The following PRKN variants were observed in gnomAD, a reference collection of about 807,000 sequenced individuals.
The protein encoded by PRKN is E3 ubiquitin-protein ligase parkin.
Under a neutral mutation model 59.5 loss-of-function variants are expected in PRKN, and 56 were observed. The ratio of observed to expected loss-of-function variants is 0.94; its 90% CI spans 0.76 to 1.18. PRKN has a LOEUF of 1.18. PRKN is among the 50% of genes most tolerant of loss of function. The pLI, the probability that PRKN is intolerant of heterozygous loss-of-function variation, is 0.00. For missense variants in PRKN, 657 were observed against 596.4 expected (o/e 1.10, Z -1.06); for synonymous variants, 250 against 222.1 (o/e 1.13, Z -1.12).
At chr6:162,569,356 G>A (rs1401039480) in intron 1 of PRKN, 3 of 642,122 alleles carry the variant, frequency 4.7e-6, no homozygotes, top group Admixed American at 1.8e-5. Flanking sequence ...AGGCTGCCCT[G>A]CAACAGGCCA....
chr6:162,054,309 A>G lies in PRKN; in HGVS notation c.535-135T>C. On this transcript the variant is annotated intron_variant, in intron 4 of 11. Coordinates refer to ENST00000366898, the MANE Select transcript of PRKN (RefSeq NM_004562.3). ...CAATGATTTTCAAAGTGTGGTCTGC[A>G]GACTCTGGGGGTCCCCGTGACCCTT... The G allele has an allele frequency of 1.1e-5, 8 of 724,128 alleles. No homozygotes were observed. In the South Asian group the frequency reaches 1.2e-4, roughly 11 times the overall value. The allele number at this position is 724,128 out of a possible 1,614,324, so 44.9% of individuals were successfully genotyped here.
At chr6:161,611,457 T>A (rs1363881143) in intron 7 of PRKN, among the ~76,000 whole-genome samples, 1 of 152,232 alleles carries the variant, frequency 6.6e-6, no homozygotes, top group Non-Finnish European at 1.5e-5. Context: ...CCATTTTTGG[T>A]AATTCTCACA....
intron 6 of PRKN, among the ~76,000 whole-genome samples, chr6:161,856,884 G>A (rs1793677642): frequency 6.6e-6 from 1 of 152,046 alleles, no homozygotes; most frequent in African/African-American, 2.4e-5. Context: ...CTTCCTAGAG[G>A]TCAGACTGTC....
At chr6:161,556,068 C>A (rs76424924) in intron 8 of PRKN, among the ~76,000 whole-genome samples, 1 of 152,280 alleles carries the variant, frequency 6.6e-6, no homozygotes, top group East Asian at 1.9e-4. Flanking sequence ...AATGTATGGA[C>A]AACGTCCAAT....
intron 6 of PRKN, among the ~76,000 whole-genome samples, chr6:161,919,658 G>A (rs950038498): frequency 6.6e-6 from 1 of 152,158 alleles, no homozygotes; most frequent in African/African-American, 2.4e-5. Flanking sequence ...ATACAAATAG[G>A]TTCACAATTT....
chr6:162,118,997 G>A (rs1780793431), intron 4 of PRKN, among the ~76,000 whole-genome samples: 1 of 152,134 alleles, frequency 6.6e-6, no homozygotes, highest in Admixed American at 6.5e-5. Context: ...GTTGAAATGA[G>A]GTATGCCTAT....
In PRKN at chr6:161,892,641, A is replaced by C. The variant is rs1032246049; in HGVS notation, c.734+80661T>G. On this transcript the variant is annotated intron_variant, in intron 6 of 11. Transcript: ENST00000366898. ...GTGGGAGGATCTACTCAAGAGGCTG[A>C]GGCAGGAGGATCTCCTGAGCGCATG... 1.7e-4 allele frequency among the ~76,000 whole-genome samples: 26 copies of C among 152,292 alleles called. 1 individual carries two copies. The highest frequency in any genetic ancestry group is 1.6e-3 in the Admixed American group (24 of 15,294).
intron 9 of PRKN, among the ~76,000 whole-genome samples, chr6:161,516,826 C>CGAAA (rs1778623205): frequency 1.6e-5 from 1 of 63,210 alleles, no homozygotes; most frequent in African/African-American, 6.3e-5. Context: ...GACTCAATCT[C>CGAAA]AAAAAAAAAA....
chr6:162,242,304 T>C (rs1174309879), intron 3 of PRKN, among the ~76,000 whole-genome samples: 1 of 152,044 alleles, frequency 6.6e-6, no homozygotes, highest in African/African-American at 2.4e-5. Context: ...GAAAATGCAG[T>C]TTTCCACAGT....
intron 4 of PRKN, among the ~76,000 whole-genome samples, chr6:162,150,063 T>TA (rs1782201433): frequency 6.6e-6 from 1 of 152,124 alleles, no homozygotes; most frequent in African/African-American, 2.4e-5. Flanking sequence ...CTGAATTCAG[T>TA]AAAAAAGCCA....
chr6:161,585,570 T>C (rs1054048840), intron 7 of PRKN, among the ~76,000 whole-genome samples: 1 of 152,202 alleles, frequency 6.6e-6, no homozygotes. Context: ...TAAATAGTGA[T>C]TGTCAATTAA....
chr6:162,383,500 C>T (rs1011684905), intron 2 of PRKN, among the ~76,000 whole-genome samples: 10 of 152,102 alleles, frequency 6.6e-5, no homozygotes, highest in African/African-American at 2.4e-4. Flanking sequence ...AAAATATTCA[C>T]TCGAGTATGC....
chr6:162,192,005 T>C (rs1232772034), intron 4 of PRKN, among the ~76,000 whole-genome samples: 7 of 152,196 alleles, frequency 4.6e-5, no homozygotes, highest in Admixed American at 3.9e-4. Flanking sequence ...GATACATACA[T>C]GTAACTACAA....
intron 1 of PRKN, among the ~76,000 whole-genome samples, chr6:162,588,204 T>C (rs1391851923): frequency 1.3e-5 from 2 of 151,788 alleles, no homozygotes; most frequent in Non-Finnish European, 2.9e-5. Flanking sequence ...AAAGACAGGG[T>C]TTCACCATGT....
At chr6:162,298,062 C>T (rs1396313928) in intron 2 of PRKN, among the ~76,000 whole-genome samples, 1 of 152,144 alleles carries the variant, frequency 6.6e-6, no homozygotes, top group African/African-American at 2.4e-5. Flanking sequence ...TCTGTGCCCT[C>T]AGAGGTTGAC....
chr6:162,415,570 A>T (rs1788585975), intron 2 of PRKN, among the ~76,000 whole-genome samples: 1 of 152,160 alleles, frequency 6.6e-6, no homozygotes, highest in Non-Finnish European at 1.5e-5. Flanking sequence ...CTGTAATCCC[A>T]GCACTTTGGG....
At chr6:162,513,924 T>A (rs1777737493) in intron 1 of PRKN, among the ~76,000 whole-genome samples, 1 of 151,986 alleles carries the variant, frequency 6.6e-6, no homozygotes, top group African/African-American at 2.4e-5. Flanking sequence ...TGCGTGCCTG[T>A]AGTCCCAGCT....
At chr6:161,885,664 CAAA>C (rs57209835) in intron 6 of PRKN, among the ~76,000 whole-genome samples, 32 of 114,260 alleles carry the variant, frequency 2.8e-4, no homozygotes, top group African/African-American at 8.6e-4. Context: ...GACTCTGTCT[CAAA>C]AAAAAAAAAA....
intron 1 of PRKN, among the ~76,000 whole-genome samples, chr6:162,446,285 T>C (rs1002591622): frequency 1.2e-4 from 18 of 152,256 alleles, no homozygotes; most frequent in Admixed American, 8.5e-4. Flanking sequence ...AGAATAGATT[T>C]AAAGTAAAAC....
Sources: gnomAD v4.1 joint callset for allele counts (sites outside exome capture counted in the v4.1 genomes callset) on GRCh38, gnomAD v4.1.1 for gene constraint, MANE v1.5 for transcripts, NCBI Gene and HGNC (gene_info 2026-07-23, HGNC 2026-07-21) for gene names.